SPC24: variants seen among roughly 807,000 people sequenced by gnomAD.
SPC24 encodes SPC24 component of NDC80 kinetochore complex, also known as kinetochore protein Spc24.
In SPC24, 31 loss-of-function variants were observed where a neutral mutation model predicts 27.6. The ratio of observed to expected loss-of-function variants is 1.12; its 90% CI spans 0.84 to 1.52. The LOEUF (loss-of-function observed/expected upper bound fraction) is 1.52. Among genes scored for constraint, SPC24 ranks in the 40% most tolerant of loss-of-function variants. The pLI, the probability that SPC24 is intolerant of heterozygous loss-of-function variation, is 0.00. For missense variants in SPC24, 284 were observed against 252.5 expected (o/e 1.12, Z -0.84); for synonymous variants, 105 against 105.8 (o/e 0.99, Z 0.05).
At position 11,145,530 on chromosome 19, in the gene SPC24, G is replaced by A. The variant is rs1600782882; in HGVS notation, c.*1653C>T. 2 of 152,314 alleles carry A rather than the reference G, an allele frequency of 1.3e-5. No individual in the cohort carries two copies. Among genetic ancestry groups the A allele is most frequent in the East Asian group, 3.9e-4 (2 of 5,180 alleles). 9.4% of individuals were successfully genotyped at this position (152,314 alleles called of 1,614,324 possible). ...TCAGTTAGGGTTTATTTTGGTATCT[G>A]TCATAGAAAACCCCCAAAACCAGCA... On this transcript the variant is annotated 3_prime_UTR_variant, in exon 5 of 5. Coordinates refer to ENST00000592540, the MANE Select transcript of SPC24 (RefSeq NM_182513.4).
chr19:11,147,367 C>A (rs2077834581), intron 4 of SPC24, 78 bp from the exon 5 acceptor site: 1 of 798,168 alleles, frequency 1.3e-6, no homozygotes, highest in Non-Finnish European at 1.8e-6. Flanking sequence ...ACTGCCTTTA[C>A]TTTTTTTTTT....
chr19:11,150,444 C>A (rs1487873385), intron 1 of SPC24, among the ~76,000 whole-genome samples: 1 of 151,674 alleles, frequency 6.6e-6, no homozygotes, highest in East Asian at 1.9e-4. Context: ...CGACATCGCG[C>A]CATTGCACTC....
intron 2 of SPC24, 127 bp downstream of exon 2, chr19:11,148,967 C>G: frequency 1.0e-6 from 1 of 971,264 alleles, no homozygotes. Flanking sequence ...GGCTGGTCTC[C>G]AACTCCTGGG....
rs2077833899 is a variant in SPC24 at position 11,147,307 on chromosome 19, G to A, written c.488-18C>T. The A allele has an allele frequency of 2.6e-6, 4 of 1,522,808 alleles. No individual in the cohort carries two copies. Among genetic ancestry groups the A allele is most frequent in the Non-Finnish European group, 3.6e-6 (4 of 1,121,310 alleles). The allele number at this position is 1,522,808 out of a possible 1,614,324, so 94.3% of individuals were successfully genotyped here. A position where few individuals can be genotyped will look rare whatever the true frequency, so the allele number is the denominator to read the frequency against. On this transcript the variant is annotated intron_variant, in intron 4 of 4. Coordinates refer to ENST00000592540, the MANE Select transcript of SPC24 (RefSeq NM_182513.4). ...ATGATGGACTGAGGCACAGATGTAA[G>A]GAAAGCCCGGGACACACAGCCCCTC...
intron 1 of SPC24, among the ~76,000 whole-genome samples, chr19:11,154,217 A>G (rs912565608): frequency 1.3e-5 from 2 of 152,112 alleles, no homozygotes; most frequent in Non-Finnish European, 2.9e-5. Context: ...ATCCTTCTAT[A>G]TCATGAAATA....
Position 11,147,176 on chromosome 19 carries a change from C to T in SPC24, c.*7G>A, listed in dbSNP as rs945651460. The T allele has an allele frequency of 1.9e-5, 30 of 1,545,374 alleles. No homozygotes were observed. In the Middle Eastern group the frequency reaches 6.7e-4, roughly 34 times the overall value. ...CTGGGTGCAAGACGCAGCCACGAGG[C>T]TCCTGGCTACCACTCGGTGTCCACC... On this transcript the variant is annotated 3_prime_UTR_variant, in exon 5 of 5. Transcript: ENST00000592540.
rs372852607 is a variant in SPC24 at position 11,149,167 on chromosome 19, C to T, written c.232G>A (p.Val78Met). ...CCAGCTTCCAGCTGCTGCAGCTCCA[C>T]GCCTCCCTGGTGCACCTGCTCCTTC... ...NAKEQVHQGG[V>M]ELQQLEAGLQ... Residue 78 changes from valine (V) to methionine (M), a missense_variant, in exon 2 of 5, where the codon GTG becomes ATG. Val to Met is a conservative substitution (Grantham distance 21, BLOSUM62 1). Coordinates refer to ENST00000592540, the MANE Select transcript of SPC24 (RefSeq NM_182513.4). 3.0e-5 allele frequency: 46 copies of T among 1,550,230 alleles called. No individual in the cohort carries two copies. The highest frequency in any genetic ancestry group is 3.9e-5 in the Admixed American group (2 of 50,906).
At chr19:11,155,215 T>A (rs2077901633) in intron 1 of SPC24, among the ~76,000 whole-genome samples, 1 of 152,100 alleles carries the variant, frequency 6.6e-6, no homozygotes, top group Non-Finnish European at 1.5e-5. Context: ...CACAACCATT[T>A]GACAAGGAAG....
At chr19:11,153,910 AT>A (rs201895594) in intron 1 of SPC24, among the ~76,000 whole-genome samples, 108,250 of 150,538 alleles carry the variant, frequency 0.72, 39,192 homozygotes, top group Non-Finnish European at 0.78. Flanking sequence ...TACTAAAAAA[AT>A]ATATATAAAA....
At position 11,151,348 on chromosome 19, in the gene SPC24, T is replaced by A. The variant is rs563613318; in HGVS notation, c.161-2110A>T. ...ACTTTCAAGTTTTAGCTGTTTTCTC[T>A]GGCACTGGCCTCCACATTTCTAAGT... is the stretch of plus-strand genomic sequence containing the variant. On this transcript the variant is annotated intron_variant, in intron 1 of 4. Transcript: ENST00000592540. Among the ~76,000 whole-genome samples the A allele has an allele frequency of 2.7e-3, 418 of 152,176 alleles. 1 individual carries two copies. The highest frequency in any genetic ancestry group is 7.2e-3 in the Admixed American group (110 of 15,258).
chr19:11,151,629 G>A (rs1171600707), intron 1 of SPC24, among the ~76,000 whole-genome samples: 1 of 151,416 alleles, frequency 6.6e-6, no homozygotes, highest in African/African-American at 2.4e-5. Flanking sequence ...TGGGGGGGGG[G>A]GATGGAGTCT....
At chr19:11,147,929 A>G in intron 3 of SPC24, 35 bp from the exon 4 acceptor site, 3 of 694,288 alleles carry the variant, frequency 4.3e-6, no homozygotes, top group Non-Finnish European at 6.5e-6. Flanking sequence ...AAAAAAAAAA[A>G]AGAAAGTTAC....
chr19:11,154,908 G>A (rs1342062865), intron 1 of SPC24, among the ~76,000 whole-genome samples: 4 of 152,188 alleles, frequency 2.6e-5, no homozygotes, highest in East Asian at 1.9e-4. Context: ...AAGATGGGCC[G>A]GACACAGTGG....
chr19:11,150,500 A>G (rs1157299170), intron 1 of SPC24, among the ~76,000 whole-genome samples: 2 of 152,048 alleles, frequency 1.3e-5, no homozygotes, highest in Non-Finnish European at 1.5e-5. Context: ...AAAAAAAAGA[A>G]AAAAGGCTAC....
At chr19:11,152,542 C>G (rs1473441740) in intron 1 of SPC24, among the ~76,000 whole-genome samples, 3 of 152,082 alleles carry the variant, frequency 2.0e-5, no homozygotes, top group Non-Finnish European at 4.4e-5. Context: ...TGCCCCACAT[C>G]TGTGACATGA....
At chr19:11,155,479 G>A (rs2077903562) in intron 1 of SPC24, 138 bp downstream of exon 1, 4 of 1,045,776 alleles carry the variant, frequency 3.8e-6, no homozygotes, top group South Asian at 3.4e-5. Flanking sequence ...CTAAGGCTCA[G>A]AGGGGGCCGT....
In SPC24 at chr19:11,146,510, A is replaced by T. The variant is rs1037799539; in HGVS notation, c.*673T>A. On this transcript the variant is annotated 3_prime_UTR_variant, in exon 5 of 5. Transcript: ENST00000592540. ...GCCAGGCGCGGTGACTCACACCTGTAATCCCAGCACTTTGGGAGGCCAAGG... is the reference window on the plus strand; with the variant it reads ...GCCAGGCGCGGTGACTCACACCTGTTATCCCAGCACTTTGGGAGGCCAAGG... 5.5e-5 allele frequency: 8 copies of T among 145,136 alleles called. No individual in the cohort carries two copies. The highest frequency in any genetic ancestry group is 1.8e-4 in the African/African-American group (7 of 39,538). 9.0% of individuals were successfully genotyped at this position (145,136 alleles called of 1,614,324 possible). A position where few individuals can be genotyped will look rare whatever the true frequency, so the allele number is the denominator to read the frequency against.
In SPC24 at chr19:11,145,872, C is replaced by T. The variant is rs1050470066; in HGVS notation, c.*1311G>A. ...GCAGCTGGGAAGTGTTGTATTTTAACTCCCAAAGTGCTAGGATCACAGGCA... is the reference window on the plus strand; with the variant it reads ...GCAGCTGGGAAGTGTTGTATTTTAATTCCCAAAGTGCTAGGATCACAGGCA... On this transcript the variant is annotated 3_prime_UTR_variant, in exon 5 of 5. Transcript: ENST00000592540. The T allele has an allele frequency of 1.3e-5, 2 of 152,224 alleles. No individual in the cohort carries two copies. The highest frequency in any genetic ancestry group is 4.8e-5 in the African/African-American group (2 of 41,452). The allele number at this position is 152,224 out of a possible 1,614,324, so 9.4% of individuals were successfully genotyped here.
In SPC24 at chr19:11,146,976, A is replaced by G. The variant is rs2077830536; in HGVS notation, c.*207T>C. ...ATGCCTGTAATCCCAGCTACTTTGG[A>G]GGCTGAGGCAGGAGAATCGCTTGAA... On this transcript the variant is annotated 3_prime_UTR_variant, in exon 5 of 5. Coordinates refer to ENST00000592540, the MANE Select transcript of SPC24 (RefSeq NM_182513.4). The G allele has an allele frequency of 6.2e-6, 2 of 322,822 alleles. No individual in the cohort carries two copies. The highest frequency in any genetic ancestry group is 1.2e-5 in the Non-Finnish European group (2 of 172,676). 20.0% of individuals were successfully genotyped at this position (322,822 alleles called of 1,614,324 possible). A position where few individuals can be genotyped will look rare whatever the true frequency, so the allele number is the denominator to read the frequency against.
Sources: allele counts gnomAD v4.1 joint callset (sites outside exome capture counted in the v4.1 genomes callset), GRCh38; gene constraint gnomAD v4.1.1; transcripts MANE v1.5; gene names NCBI Gene and HGNC (gene_info 2026-07-23, HGNC 2026-07-21).